The following FLVCR2 variants were observed in gnomAD, a reference collection of about 807,000 sequenced individuals.
FLVCR2 encodes the protein FLVCR choline and putative heme transporter 2.
Under a neutral mutation model 48.9 loss-of-function variants are expected in FLVCR2, and 38 were observed. That is an observed-to-expected ratio of 0.78 (90% confidence interval 0.60 to 1.02). FLVCR2 has a LOEUF of 1.02. FLVCR2 is among the 50% of genes least tolerant of loss of function. FLVCR2 has a pLI of 0.00. For synonymous variants in FLVCR2, 255 were observed against 257.0 expected (o/e 0.99, Z 0.07); for missense variants, 664 against 663.3 (o/e 1.00, Z -0.01).
chr14:75,632,995 G>A (rs1401848622), intron 3 of FLVCR2: 1 of 701,914 alleles, frequency 1.4e-6, no homozygotes, highest in East Asian at 2.7e-5. Flanking sequence ...ATGACTTTGG[G>A]CAAATGACCT....
chr14:75,581,756 C>T (rs555675645), intron 1 of FLVCR2, among the ~76,000 whole-genome samples: 2 of 152,226 alleles, frequency 1.3e-5, no homozygotes, highest in African/African-American at 4.8e-5. Flanking sequence ...AATCCCCAAG[C>T]TTGATATGTA....
At position 75,622,256 on chromosome 14, in the gene FLVCR2, G is replaced by A. The variant is rs777874637; in HGVS notation, c.811+36G>A. The A allele has an allele frequency of 3.1e-6, 5 of 1,609,728 alleles. No homozygotes were observed. In the South Asian group the frequency reaches 5.5e-5, roughly 18 times the overall value. On this transcript the variant is annotated intron_variant, in intron 2 of 9. Coordinates refer to ENST00000238667, the MANE Select transcript of FLVCR2 (RefSeq NM_017791.3). Reference sequence around the variant, plus strand: ...TAGTAAACAGATGGGGTAGCAGGGGGCGAAGGGGCAGGGAGATTCTGCTGA... The same window carrying A: ...TAGTAAACAGATGGGGTAGCAGGGGACGAAGGGGCAGGGAGATTCTGCTGA...
At chr14:75,615,747 T>A (rs1341337615) in intron 1 of FLVCR2, among the ~76,000 whole-genome samples, 1 of 151,672 alleles carries the variant, frequency 6.6e-6, no homozygotes, top group Non-Finnish European at 1.5e-5. Context: ...CGGCTGGGCG[T>A]CATGGCTCAT....
At chr14:75,630,060 G>A (rs1890001326) in intron 3 of FLVCR2, among the ~76,000 whole-genome samples, 1 of 152,194 alleles carries the variant, frequency 6.6e-6, no homozygotes, top group South Asian at 2.1e-4. Context: ...GGGAAACGCA[G>A]AATAACCAAA....
At chr14:75,608,264 G>T (rs557719970) in intron 1 of FLVCR2, among the ~76,000 whole-genome samples, 1 of 152,248 alleles carries the variant, frequency 6.6e-6, no homozygotes, top group South Asian at 2.1e-4. Flanking sequence ...CAGAGCTTCT[G>T]GGTTTCAAAG....
At chr14:75,595,691 A>G (rs1889001369) in intron 1 of FLVCR2, 5 of 600,862 alleles carry the variant, frequency 8.3e-6, no homozygotes, top group Middle Eastern at 4.4e-4. Flanking sequence ...GCTTGCTCAC[A>G]TGACTGTCTA....
intron 1 of FLVCR2, among the ~76,000 whole-genome samples, chr14:75,587,287 A>G (rs1010965310): frequency 2.0e-5 from 3 of 152,144 alleles, no homozygotes; most frequent in African/African-American, 7.2e-5. Flanking sequence ...AGCCACTCTC[A>G]GTAGGCCAGT....
chr14:75,619,608 T>C (rs1034617606), intron 1 of FLVCR2, among the ~76,000 whole-genome samples: 2 of 152,226 alleles, frequency 1.3e-5, no homozygotes, highest in African/African-American at 2.4e-5. Context: ...AAAATATGTA[T>C]TGAAAAAACA....
chr14:75,600,887 A>C (rs1030166255), intron 1 of FLVCR2, among the ~76,000 whole-genome samples: 1 of 151,290 alleles, frequency 6.6e-6, no homozygotes, highest in African/African-American at 2.4e-5. Flanking sequence ...AAAAAAAAAA[A>C]CAAACAAACA....
chr14:75,605,132 C>A (rs1029074854), intron 1 of FLVCR2, among the ~76,000 whole-genome samples: 17 of 152,172 alleles, frequency 1.1e-4, no homozygotes, highest in African/African-American at 4.1e-4. Context: ...ATGCTGTTAA[C>A]AGGATGTCCT....
At chr14:75,636,916 G>A (rs1440274813) in intron 5 of FLVCR2, among the ~76,000 whole-genome samples, 1 of 152,212 alleles carries the variant, frequency 6.6e-6, no homozygotes, top group East Asian at 1.9e-4. Context: ...GAGCTTGTGG[G>A]ATCATCGGGC....
chr14:75,633,481 C>T, intron 3 of FLVCR2, 148 bp from the exon 4 acceptor site: 2 of 742,108 alleles, frequency 2.7e-6, no homozygotes, highest in Admixed American at 1.9e-5. Flanking sequence ...AGCCTCAGAC[C>T]TCCCTGGAGT....
At chr14:75,600,502 T>G (rs1375026475) in intron 1 of FLVCR2, among the ~76,000 whole-genome samples, 1 of 152,206 alleles carries the variant, frequency 6.6e-6, no homozygotes, top group Non-Finnish European at 1.5e-5. Context: ...TTGTATAAGA[T>G]CCAAGAAACC....
At chr14:75,605,888 G>T (rs1057046377) in intron 1 of FLVCR2, 4 of 484,216 alleles carry the variant, frequency 8.3e-6, no homozygotes, top group Non-Finnish European at 1.5e-5. Flanking sequence ...CCTGATTTCT[G>T]CATACAATGA....
At chr14:75,634,751 T>C (rs570350135) in intron 4 of FLVCR2, among the ~76,000 whole-genome samples, 159 bp from the exon 5 acceptor site, 1 of 152,346 alleles carries the variant, frequency 6.6e-6, no homozygotes, top group Admixed American at 6.5e-5. Flanking sequence ...GTAGTTATTC[T>C]AGAATTTTCT....
At chr14:75,591,989 T>TTTTTTG (rs908694822) in intron 1 of FLVCR2, among the ~76,000 whole-genome samples, 9 of 151,882 alleles carry the variant, frequency 5.9e-5, no homozygotes, top group Admixed American at 1.3e-4. Flanking sequence ...ATTTTGTTTC[T>TTTTTTG]TTTTTGTTTT....
At chr14:75,646,232 G>A (rs1890418106) in intron 9 of FLVCR2, among the ~76,000 whole-genome samples, 169 bp from the exon 10 acceptor site, 1 of 152,056 alleles carries the variant, frequency 6.6e-6, no homozygotes, top group African/African-American at 2.4e-5. Flanking sequence ...TGCATTTATG[G>A]CAGGGGCTGG....
At chr14:75,632,655 C>CA (rs1233258023) in intron 3 of FLVCR2, 1 of 702,228 alleles carries the variant, frequency 1.4e-6, no homozygotes, top group African/African-American at 1.7e-5. Context: ...GCCCTGTCCA[C>CA]AAGCTATGTG....
chr14:75,625,072 T>C (rs1049368000), intron 3 of FLVCR2, among the ~76,000 whole-genome samples: 1 of 95,044 alleles, frequency 1.1e-5, no homozygotes, highest in Non-Finnish European at 2.4e-5. Context: ...TCTTAACACC[T>C]GTCATTAAAA....
Sources: gnomAD v4.1 joint callset for allele counts (sites outside exome capture counted in the v4.1 genomes callset) on GRCh38, gnomAD v4.1.1 for gene constraint, MANE v1.5 for transcripts, NCBI Gene and HGNC (gene_info 2026-07-23, HGNC 2026-07-21) for gene names.